The following FMNL2 variants were observed in gnomAD, a reference collection of about 807,000 sequenced individuals.
FMNL2 encodes the protein formin-like protein 2.
Under a neutral mutation model 130.2 loss-of-function variants are expected in FMNL2, and 51 were observed. That is an observed-to-expected ratio of 0.39 (90% CI 0.31 to 0.49). The LOEUF (loss-of-function observed/expected upper bound fraction) is 0.49. Ranked by LOEUF, FMNL2 falls within the 20% of genes least tolerant of loss-of-function variation. The probability of loss-of-function intolerance (pLI) is 0.85; values close to 1 mark genes in which losing one functional copy is unlikely to be tolerated. For synonymous variants in FMNL2, 465 were observed against 467.1 expected (o/e 1.00, Z 0.06); for missense variants, 977 against 1,316.2 (o/e 0.74, Z 3.99).
At chr2:152,529,394 A>G (rs1480066103) in intron 2 of FMNL2, among the ~76,000 whole-genome samples, 1 of 152,114 alleles carries the variant, frequency 6.6e-6, no homozygotes, top group African/African-American at 2.4e-5. Flanking sequence ...GGCATTTTGT[A>G]TCTTTGCTAC....
At chr2:152,368,006 C>T (rs1023812719) in intron 1 of FMNL2, among the ~76,000 whole-genome samples, 20 of 152,166 alleles carry the variant, frequency 1.3e-4, no homozygotes, top group African/African-American at 4.8e-4. Context: ...TACGTATTAA[C>T]AAGATCTCAC....
chr2:152,630,491 A>G (rs1280480000), intron 20 of FMNL2, among the ~76,000 whole-genome samples: 1 of 152,158 alleles, frequency 6.6e-6, no homozygotes, highest in Non-Finnish European at 1.5e-5. Context: ...AGGGTGCTCT[A>G]ATTTTCAGAG....
chr2:152,643,332 A>T, intron 25 of FMNL2: 1 of 1,515,706 alleles, frequency 6.6e-7, no homozygotes, highest in Admixed American at 2.0e-5. Flanking sequence ...GGTATGATTA[A>T]CAATGCACTA....
chr2:152,412,934 T>C (rs921315345), intron 1 of FMNL2, among the ~76,000 whole-genome samples: 1 of 152,216 alleles, frequency 6.6e-6, no homozygotes, highest in African/African-American at 2.4e-5. Context: ...AATGGTTGAA[T>C]AGCAGCAATC....
intron 1 of FMNL2, among the ~76,000 whole-genome samples, chr2:152,507,457 T>A (rs1260596203): frequency 6.6e-6 from 1 of 152,196 alleles, no homozygotes; most frequent in African/African-American, 2.4e-5. Context: ...TTGCATGTGT[T>A]CTCTCATTTT....
intron 1 of FMNL2, among the ~76,000 whole-genome samples, chr2:152,515,173 A>G (rs1291318602): frequency 6.6e-6 from 1 of 152,208 alleles, no homozygotes; most frequent in Non-Finnish European, 1.5e-5. Flanking sequence ...GGCTCAATGC[A>G]TAGTATTTTC....
intron 1 of FMNL2, among the ~76,000 whole-genome samples, chr2:152,490,568 A>AGTGTGTGTGTGT (rs1208283542): frequency 2.8e-5 from 1 of 35,368 alleles, no homozygotes; most frequent in African/African-American, 8.1e-5. Flanking sequence ...TTTGCTATCC[A>AGTGTGTGTGTGT]ATGTGTGTGT....
chr2:152,569,680 CAA>C (rs35114358), intron 6 of FMNL2, among the ~76,000 whole-genome samples: 3,125 of 104,290 alleles, frequency 0.03, 118 homozygotes, highest in African/African-American at 0.11. Flanking sequence ...GACCCTGTCT[CAA>C]AAAAAAAAAA....
At chr2:152,617,595 G>A (rs1699024814) in intron 13 of FMNL2, among the ~76,000 whole-genome samples, 1 of 152,122 alleles carries the variant, frequency 6.6e-6, no homozygotes, top group African/African-American at 2.4e-5. Flanking sequence ...AACCAGATTT[G>A]GTGGTTGCTG....
chr2:152,600,413 G>T (rs1697989856), intron 9 of FMNL2, among the ~76,000 whole-genome samples: 1 of 152,192 alleles, frequency 6.6e-6, no homozygotes, highest in Non-Finnish European at 1.5e-5. Context: ...TTTGGCTACA[G>T]ACTTTGCATG....
chr2:152,365,109 G>T (rs4425036), intron 1 of FMNL2, among the ~76,000 whole-genome samples: 23,660 of 152,186 alleles, frequency 0.16, 2,050 homozygotes, highest in African/African-American at 0.22. Context: ...ATGTCTTTAT[G>T]TAGTTAATGC....
chr2:152,559,523 C>T (rs1695409824), intron 5 of FMNL2, among the ~76,000 whole-genome samples: 1 of 152,148 alleles, frequency 6.6e-6, no homozygotes, highest in African/African-American at 2.4e-5. Context: ...AAGCTGCTCT[C>T]GAACTCCTGA....
intron 1 of FMNL2, among the ~76,000 whole-genome samples, chr2:152,484,789 CA>C (rs143133303): frequency 0.029 from 4,487 of 152,150 alleles, 79 homozygotes; most frequent in Non-Finnish European, 0.045. Flanking sequence ...AGAGAGCTAT[CA>C]ATGGCTTTAG....
chr2:152,523,458 C>T (rs1693215726), intron 2 of FMNL2, among the ~76,000 whole-genome samples: 1 of 152,176 alleles, frequency 6.6e-6, no homozygotes, highest in Non-Finnish European at 1.5e-5. Flanking sequence ...TCCCTCCACA[C>T]TGATATCCTC....
chr2:152,636,068 G>T (rs968168912), intron 21 of FMNL2, among the ~76,000 whole-genome samples: 1 of 152,140 alleles, frequency 6.6e-6, no homozygotes, highest in East Asian at 1.9e-4. Context: ...GGCTATTCTT[G>T]TAAGAGAAAT....
rs567144317 is a variant in FMNL2, at chr2:152,590,568, C to T, written c.876+9519C>T. ...GGCAGAGGTTGCAGTGAGTCGAGAT[C>T]GCACCACTGCATTCCAGCCTAGGTG... On this transcript the variant is annotated intron_variant, in intron 9 of 25. Transcript: ENST00000288670. 3.1e-3 allele frequency among the ~76,000 whole-genome samples: 469 copies of T among 151,760 alleles called. 2 individuals carry two copies. Among genetic ancestry groups the T allele is most frequent in the Non-Finnish European group, 4.9e-3 (331 of 67,950 alleles).
At chr2:152,558,951 T>A in intron 5 of FMNL2, 128 bp downstream of exon 5, 1 of 754,494 alleles carries the variant, frequency 1.3e-6, no homozygotes, top group South Asian at 2.1e-5. Flanking sequence ...TTAGGGAGGT[T>A]TGTTTCTGTT....
chr2:152,470,926 C>CT (rs1689825428), intron 1 of FMNL2, among the ~76,000 whole-genome samples: 1 of 152,154 alleles, frequency 6.6e-6, no homozygotes, highest in African/African-American at 2.4e-5. Context: ...GTTGTGTGTT[C>CT]TTTTAATAAA....
intron 15 of FMNL2, chr2:152,625,123 G>A (rs1374747879): frequency 3.8e-6 from 1 of 261,302 alleles, no homozygotes; most frequent in Non-Finnish European, 7.3e-6. Context: ...CTTTTTATTT[G>A]TCCCAACCAT....
Sources: gnomAD v4.1 joint callset for allele counts (sites outside exome capture counted in the v4.1 genomes callset) on GRCh38, gnomAD v4.1.1 for gene constraint, MANE v1.5 for transcripts, NCBI Gene and HGNC (gene_info 2026-07-23, HGNC 2026-07-21) for gene names.